Variants in BRF1 observed in about 807,000 individuals in gnomAD.
The protein encoded by BRF1 is transcription factor IIIB 90 kDa subunit.
In BRF1, 59 loss-of-function variants were observed where a neutral mutation model predicts 81.7. The ratio of observed to expected loss-of-function variants is 0.72; its 90% CI spans 0.59 to 0.90. The LOEUF (loss-of-function observed/expected upper bound fraction) is 0.90. Ranked by LOEUF, BRF1 falls within the 40% of genes least tolerant of loss-of-function variation. The pLI, the probability that BRF1 is intolerant of heterozygous loss-of-function variation, is 0.00. For synonymous variants in BRF1, 491 were observed against 395.6 expected (o/e 1.24, Z -2.86); for missense variants, 1,050 against 936.3 (o/e 1.12, Z -1.58).
intron 1 of BRF1, among the ~76,000 whole-genome samples, chr14:105,294,973 C>A (rs988636545): frequency 8.5e-5 from 13 of 152,166 alleles, no homozygotes; most frequent in Admixed American, 6.6e-5. Flanking sequence ...AGCTTTGGGA[C>A]CAGATGGCTA....
intron 5 of BRF1, chr14:105,249,416 G>C: frequency 1.2e-6 from 2 of 1,613,582 alleles, no homozygotes; most frequent in East Asian, 4.5e-5. Context: ...GAGACCTGGC[G>C]GAAGTCAAAT....
intron 12 of BRF1, 31 bp downstream of exon 12, chr14:105,220,038 G>A: frequency 6.2e-7 from 1 of 1,608,982 alleles, no homozygotes; most frequent in Non-Finnish European, 8.5e-7. Context: ...CCCAAGCCCA[G>A]CCCCTCTTGG....
chr14:105,227,330 G>A (rs587635918), intron 7 of BRF1: 1 of 153,716 alleles, frequency 6.5e-6, no homozygotes, highest in East Asian at 1.9e-4. Flanking sequence ...TGAGGCCGGA[G>A]AATCGCTTGA....
chr14:105,300,660 C>T lies in BRF1; in HGVS notation c.-31G>A, dbSNP rs2057973236. The T allele has an allele frequency of 7.6e-7, 1 of 1,311,668 alleles. No individual in the cohort carries two copies. 81.3% of individuals were successfully genotyped at this position (1,311,668 alleles called of 1,614,324 possible). A position where few individuals can be genotyped will look rare whatever the true frequency, so the allele number is the denominator to read the frequency against. On this transcript the variant is annotated 5_prime_UTR_variant, in exon 1 of 18. Coordinates refer to ENST00000547530, the MANE Select transcript of BRF1 (RefSeq NM_001519.4). ...CGACCGCGCGGGCAGCGCCCGGAGC[C>T]TCCCAAGACTCTCAAGCCACCCGAG...
At chr14:105,264,620 T>C (rs1167342176) in intron 3 of BRF1, among the ~76,000 whole-genome samples, 2 of 145,588 alleles carry the variant, frequency 1.4e-5, no homozygotes, top group East Asian at 4.0e-4. Flanking sequence ...TGAGCCGAGA[T>C]TGTGCCACTG....
At chr14:105,221,577 C>A in intron 11 of BRF1, 71 bp downstream of exon 11, 1 of 1,553,544 alleles carries the variant, frequency 6.4e-7, no homozygotes, top group South Asian at 1.2e-5. Context: ...TCCGGCTCTC[C>A]CCATGAGAGG....
At chr14:105,247,584 A>C in intron 5 of BRF1, 1 of 985,418 alleles carries the variant, frequency 1.0e-6, no homozygotes, top group Non-Finnish European at 1.2e-6. Flanking sequence ...AACTGTAACG[A>C]CCACAGAGAC....
chr14:105,254,484 C>T (rs1033716564), intron 4 of BRF1, among the ~76,000 whole-genome samples: 1 of 152,154 alleles, frequency 6.6e-6, no homozygotes, highest in Admixed American at 6.5e-5. Flanking sequence ...GTCTCGATCT[C>T]CAGACCTCCT....
intron 3 of BRF1, among the ~76,000 whole-genome samples, chr14:105,268,723 A>G (rs759230896): frequency 6.6e-6 from 1 of 152,176 alleles, no homozygotes; most frequent in East Asian, 1.9e-4. Context: ...GGTGGGGGCC[A>G]TGCACCCCAC....
chr14:105,211,600 C>T (rs901317004), intron 16 of BRF1: 16 of 419,482 alleles, frequency 3.8e-5, no homozygotes, highest in East Asian at 4.4e-5. Context: ...AGGCCTCGGC[C>T]GAGGACACTG....
chr14:105,294,798 T>C (rs587597808), intron 1 of BRF1, among the ~76,000 whole-genome samples: 2 of 152,312 alleles, frequency 1.3e-5, no homozygotes, highest in Admixed American at 1.3e-4. Context: ...GATAAGGGAA[T>C]GCTTCGAACA....
At chr14:105,254,869 A>G (rs1024949055) in intron 4 of BRF1, among the ~76,000 whole-genome samples, 5 of 152,222 alleles carry the variant, frequency 3.3e-5, no homozygotes, top group Admixed American at 2.6e-4. Flanking sequence ...GCCTAAATAC[A>G]TGCAGTTCTT....
chr14:105,275,864 C>T (rs1595446646), intron 2 of BRF1, among the ~76,000 whole-genome samples: 1 of 152,262 alleles, frequency 6.6e-6, no homozygotes, highest in Non-Finnish European at 1.5e-5. Context: ...AAAAACCGGA[C>T]CCCAGAGAAC....
chr14:105,211,597 GGCCGAGGACACTGTGGCCTCA>G, intron 16 of BRF1: 1 of 423,716 alleles, frequency 2.4e-6, no homozygotes, highest in Non-Finnish European at 4.2e-6. Context: ...CATAGGCCTC[GGCCGAGGACACTGTGGCCTCA>G]GCCCCCGGGG....
chr14:105,268,097 G>A lies in BRF1; in HGVS notation c.439+4624C>T, dbSNP rs139970564. On this transcript the variant is annotated intron_variant, in intron 3 of 17. Coordinates refer to ENST00000547530, the MANE Select transcript of BRF1 (RefSeq NM_001519.4). ...CTCTGACGCCCTCTAGGGCTCACCA[G>A]CCTGTCACCATCCCAAGATGCCCTC... Among the ~76,000 whole-genome samples, 552 of 152,378 alleles carry A rather than the reference G, an allele frequency of 3.6e-3. 1 individual carries two copies. Among genetic ancestry groups the A allele is most frequent in the African/African-American group, 0.013 (529 of 41,596 alleles).
At chr14:105,280,551 T>C (rs1819871887) in intron 2 of BRF1, among the ~76,000 whole-genome samples, 1 of 151,880 alleles carries the variant, frequency 6.6e-6, no homozygotes, top group African/African-American at 2.4e-5. Flanking sequence ...GGTGTGCAGA[T>C]ACAGCCTGAA....
In BRF1 at chr14:105,271,591, C is replaced by T. The variant is rs1455202157; in HGVS notation, c.439+1130G>A. Among the ~76,000 whole-genome samples the T allele has an allele frequency of 1.3e-5, 2 of 152,216 alleles. No individual in the cohort carries two copies. The highest frequency in any genetic ancestry group is 6.5e-5 in the Admixed American group (1 of 15,286). ...GATGAGGAGGGTGTGGACCAGGAAG[C>T]GGGGAGTCCCCAGAGAGCAGGGAAA... On this transcript the variant is annotated intron_variant, in intron 3 of 17. Transcript: ENST00000547530. This position sits in a 1 kb window ranked among gnomAD's most constrained non-coding sequence, Gnocchi z 5.5.
intron 5 of BRF1, among the ~76,000 whole-genome samples, chr14:105,243,744 C>T (rs935495386): frequency 2.0e-5 from 3 of 152,090 alleles, no homozygotes; most frequent in Admixed American, 6.6e-5. Flanking sequence ...ACCTGTAATC[C>T]CAGCACTTTG....
chr14:105,250,240 G>C (rs773555187), intron 5 of BRF1: 2 of 1,613,026 alleles, frequency 1.2e-6, no homozygotes, highest in East Asian at 2.2e-5. Context: ...ACCGATTCCA[G>C]TCTTCTGCCT....
Sources: allele counts gnomAD v4.1 joint callset (sites outside exome capture counted in the v4.1 genomes callset), GRCh38; gene constraint gnomAD v4.1.1; non-coding constraint Gnocchi (gnomAD v3.1); transcripts MANE v1.5; gene names NCBI Gene and HGNC (gene_info 2026-07-23, HGNC 2026-07-21).